MED12L: variants seen among roughly 807,000 people sequenced by gnomAD.
The protein encoded by MED12L is mediator of RNA polymerase II transcription subunit 12-like protein.
MED12L carries 60 observed loss-of-function variants against 281.3 expected under a neutral mutation model. The observed-to-expected ratio is 0.21, with a 90% CI of 0.17 to 0.26. The LOEUF is 0.26. Among genes scored for constraint, MED12L ranks in the 10% least tolerant of loss-of-function variants. MED12L has a pLI of 1.00. For missense variants in MED12L, 2,146 were observed against 2,680.9 expected, an observed-to-expected ratio of 0.80 and a Z score of 4.41; for synonymous variants, 974 against 987.2, an observed-to-expected ratio of 0.99 and a Z score of 0.25.
chr3:151,113,493 C>T (rs1440072652), intron 2 of MED12L, among the ~76,000 whole-genome samples: 1 of 152,104 alleles, frequency 6.6e-6, no homozygotes, highest in Non-Finnish European at 1.5e-5. Flanking sequence ...TTAAAAAGCT[C>T]CCTATGGCTG....
intron 11 of MED12L, among the ~76,000 whole-genome samples, chr3:151,174,931 G>C (rs1721862015): frequency 6.6e-6 from 1 of 152,286 alleles, no homozygotes; most frequent in East Asian, 1.9e-4. Context: ...CTGGGCTCAA[G>C]TGATCCTCCT....
At chr3:151,276,921 G>A (rs1741963240) in intron 16 of MED12L, among the ~76,000 whole-genome samples, 1 of 152,090 alleles carries the variant, frequency 6.6e-6, no homozygotes, top group Non-Finnish European at 1.5e-5. Flanking sequence ...TTTTGAGACA[G>A]GGTCTCACTC....
intron 16 of MED12L, among the ~76,000 whole-genome samples, chr3:151,242,779 G>A (rs1486649806): frequency 2.0e-5 from 3 of 152,082 alleles, no homozygotes; most frequent in African/African-American, 4.8e-5. Context: ...TGACTTTGAC[G>A]AGCTGAGAGA....
chr3:151,185,318 G>C lies in MED12L; in HGVS notation c.1495-12G>C. 1 of 1,613,022 alleles carries C rather than the reference G, an allele frequency of 6.2e-7. No individual in the cohort carries two copies. The highest frequency in any genetic ancestry group is 1.7e-5 in the Admixed American group (1 of 59,946). On this transcript the variant is annotated splice_polypyrimidine_tract_variant and intron_variant, in intron 11 of 44. Coordinates refer to ENST00000687756, the MANE Select transcript of MED12L (RefSeq NM_001393769.1). ...TTTGATGTGGCTGGTACCCCTCTCTGTTGGTCATTAGGTTGCGCCCAACGA... is the reference window on the plus strand; with the variant it reads ...TTTGATGTGGCTGGTACCCCTCTCTCTTGGTCATTAGGTTGCGCCCAACGA...
Position 151,372,255 on chromosome 3 carries a change from T to C in MED12L, c.3665-312T>C, listed in dbSNP as rs565139656. On this transcript the variant is annotated intron_variant, in intron 26 of 44. Transcript: ENST00000687756. ...TTTGAATACATTCATGCTTGAAATA[T>C]TGGTGAAACCAATGTTCTCTGATTA... 2.0e-5 allele frequency among the ~76,000 whole-genome samples: 3 copies of C among 152,358 alleles called. No homozygotes were observed. The South Asian group carries it at 6.2e-4, about 32-fold the overall frequency.
intron 35 of MED12L, 90 bp from the exon 36 acceptor site, chr3:151,384,940 T>C: frequency 2.6e-6 from 2 of 773,874 alleles, no homozygotes; most frequent in Non-Finnish European, 2.3e-6. Flanking sequence ...AGGGAAATGT[T>C]TCATAGGGGA....
chr3:151,390,068 G>T lies in MED12L; in HGVS notation c.5541G>T (p.Trp1847Cys). 6.2e-7 allele frequency: 1 copy of T among 1,614,108 alleles called. No homozygotes were observed. The highest frequency in any genetic ancestry group is 2.2e-5 in the East Asian group (1 of 44,876). ...QMMHHPQSTLWGYNLVGQPQQ... is the reference protein window; with the variant it reads ...QMMHHPQSTLCGYNLVGQPQQ... The stretch of plus-strand genomic sequence containing the variant: ...TGCACCATCCACAGTCCACCTTGTG[G>T]GGTTACAACCTCGTGGGCCAGCCCC... The change falls in exon 38 of 45, where the codon TGG becomes TGT. Residue 1847 changes from tryptophan (W) to cysteine (C), a missense_variant. Around this residue, in one of 9 missense-constraint regions of MED12L, gnomAD observed 496 missense variants for 512.0 expected, o/e 0.97. Transcript: ENST00000687756.
chr3:151,348,419 C>G (rs1402768152), intron 16 of MED12L, among the ~76,000 whole-genome samples: 1 of 150,414 alleles, frequency 6.6e-6, no homozygotes, highest in Non-Finnish European at 1.5e-5. Context: ...GGGAAATTAG[C>G]AAGCAGCTCA....
chr3:151,409,467 A>G, intron 40 of MED12L, 135 bp downstream of exon 40: 1 of 734,786 alleles, frequency 1.4e-6, no homozygotes, highest in Non-Finnish European at 2.3e-6. Context: ...ATAGATTATA[A>G]TTGATATTTC....
intron 5 of MED12L, among the ~76,000 whole-genome samples, chr3:151,155,862 G>C (rs1719205740): frequency 1.3e-5 from 2 of 152,096 alleles, no homozygotes; most frequent in African/African-American, 2.4e-5. Context: ...GACCCAATTC[G>C]AGAGTGAACA....
intron 5 of MED12L, among the ~76,000 whole-genome samples, chr3:151,149,998 C>T (rs972823795): frequency 6.6e-6 from 1 of 152,146 alleles, no homozygotes. Flanking sequence ...CTCTCAAACT[C>T]GTCCATAAAG....
At chr3:151,279,360 A>ATGT (rs1172761128) in intron 16 of MED12L, among the ~76,000 whole-genome samples, 51 of 152,304 alleles carry the variant, frequency 3.3e-4, no homozygotes, top group African/African-American at 1.2e-3. Context: ...GTTGCTTTAT[A>ATGT]TGTACTTGCT....
At chr3:151,321,643 TG>T (rs1428269871) in intron 16 of MED12L, among the ~76,000 whole-genome samples, 1 of 152,210 alleles carries the variant, frequency 6.6e-6, no homozygotes, top group Non-Finnish European at 1.5e-5. Context: ...GTGGACATTC[TG>T]TTATTATGCC....
intron 16 of MED12L, among the ~76,000 whole-genome samples, chr3:151,251,341 G>A (rs147142402): frequency 2.1e-3 from 325 of 151,630 alleles, no homozygotes; most frequent in Non-Finnish European, 4.1e-3. Context: ...TAAACACTCT[G>A]TCTCATCCAT....
At chr3:151,317,061 C>G (rs987976077) in intron 16 of MED12L, 2 of 151,944 alleles carry the variant, frequency 1.3e-5, no homozygotes, top group African/African-American at 4.8e-5. Flanking sequence ...TTTCCAGCCT[C>G]CTATTGCTAT....
chr3:151,328,035 G>T, intron 16 of MED12L: 1 of 1,595,736 alleles, frequency 6.3e-7, no homozygotes, highest in Non-Finnish European at 8.5e-7. Flanking sequence ...TGATTTTCTT[G>T]GCTTGATGCT....
At chr3:151,181,982 A>C (rs1382444670) in intron 11 of MED12L, among the ~76,000 whole-genome samples, 1 of 152,180 alleles carries the variant, frequency 6.6e-6, no homozygotes, top group African/African-American at 2.4e-5. Context: ...TGGAATAAAG[A>C]CATGAAAATG....
intron 5 of MED12L, among the ~76,000 whole-genome samples, chr3:151,138,178 CT>C (rs201689976): frequency 2.0e-5 from 3 of 150,560 alleles, no homozygotes; most frequent in Admixed American, 2.0e-4. Flanking sequence ...GATACCTTGC[CT>C]TTTTTTTTAA....
chr3:151,416,181 A>G (rs1055642307), intron 42 of MED12L, 131 bp from the exon 43 acceptor site: 4 of 1,512,812 alleles, frequency 2.6e-6, no homozygotes, highest in Non-Finnish European at 3.6e-6. Flanking sequence ...CAAGGTAGAG[A>G]TGCAGCAGGC....
Sources: gnomAD v4.1 joint callset for allele counts (sites outside exome capture counted in the v4.1 genomes callset) on GRCh38, gnomAD v4.1.1 for gene constraint, gnomAD v4.1.1 regional missense constraint, MANE v1.5 for transcripts, NCBI Gene and HGNC (gene_info 2026-07-23, HGNC 2026-07-21) for gene names.